The following COL28A1 variants were observed in gnomAD, a reference collection of about 807,000 sequenced individuals.
The protein encoded by COL28A1 is collagen type XXVIII alpha 1 chain.
A neutral mutation model predicts 150.2 loss-of-function variants in COL28A1; 161 were observed. The observed-to-expected ratio is 1.07, with a 90% confidence interval of 0.94 to 1.22. COL28A1 has a LOEUF of 1.22. COL28A1 is among the 50% of genes most tolerant of loss of function. The probability of loss-of-function intolerance (pLI) is 0.00; values close to 1 mark genes in which losing one functional copy is unlikely to be tolerated. For synonymous variants in COL28A1, 552 were observed against 469.7 expected (o/e 1.18, Z -2.26); for missense variants, 1,617 against 1,388.3 (o/e 1.16, Z -2.62).
In COL28A1 at chr7:7,436,330, T is replaced by G. The variant is rs368679673; in HGVS notation, c.1860+65A>C. The stretch of plus-strand genomic sequence containing the variant: ...CCTCACAAGTAGAAAAATCAACTTA[T>G]GCATTAAATCTACCTTCATTTATTT... On this transcript the variant is annotated intron_variant, in intron 23 of 34. Coordinates refer to ENST00000399429, the MANE Select transcript of COL28A1 (RefSeq NM_001037763.3). 4.5e-5 allele frequency: 39 copies of G among 863,364 alleles called. 1 individual carries two copies. The African/African-American group carries it at 6.1e-4, about 14-fold the overall frequency. 53.5% of individuals were successfully genotyped at this position (863,364 alleles called of 1,614,324 possible).
intron 13 of COL28A1, among the ~76,000 whole-genome samples, chr7:7,484,751 C>T (rs185708460): frequency 1.3e-4 from 20 of 152,126 alleles, no homozygotes; most frequent in African/African-American, 1.7e-4. Flanking sequence ...CAATAGTAGA[C>T]TGGATAAAGA....
At chr7:7,455,731 T>C (rs1787105505) in intron 16 of COL28A1, among the ~76,000 whole-genome samples, 1 of 152,184 alleles carries the variant, frequency 6.6e-6, no homozygotes, top group African/African-American at 2.4e-5. Flanking sequence ...AACCAGCAGG[T>C]GAGTAAACTA....
intron 27 of COL28A1, among the ~76,000 whole-genome samples, chr7:7,388,239 A>G (rs1417610891): frequency 2.7e-5 from 4 of 150,260 alleles, no homozygotes; most frequent in Admixed American, 6.6e-5. Flanking sequence ...TTCAACTCCC[A>G]GTTATGAGTG....
In COL28A1 at chr7:7,457,161, A is replaced by G. The variant is rs576062770; in HGVS notation, c.1303-1049T>C. ...TTGAGGCCACTGTAAGGACTTGGCT[A>G]TCCTCTGAGTAAGTTAGGAAGCCAC... On this transcript the variant is annotated intron_variant, in intron 15 of 34. Coordinates refer to ENST00000399429, the MANE Select transcript of COL28A1 (RefSeq NM_001037763.3). 2.6e-5 allele frequency among the ~76,000 whole-genome samples: 4 copies of G among 152,310 alleles called. No homozygotes were observed. In the South Asian group the frequency reaches 8.3e-4, roughly 32 times the overall value.
At chr7:7,542,291 A>G in the COL28A1 span, among the ~76,000 whole-genome samples, 1 of 152,214 alleles carries the variant, frequency 6.6e-6, no homozygotes, top group Non-Finnish European at 1.5e-5. Context: ...AGATGGCACC[A>G]CTGCACTCCG....
chr7:7,348,823 GACTTGA>G, the COL28A1 span, among the ~76,000 whole-genome samples: 1 of 152,064 alleles, frequency 6.6e-6, no homozygotes, highest in African/African-American at 2.4e-5. Context: ...GTCCACTGCA[GACTTGA>G]ACTCCTGGGC....
At chr7:7,511,853 AC>A in intron 8 of COL28A1, 1 of 468,114 alleles carries the variant, frequency 2.1e-6, no homozygotes, top group South Asian at 1.6e-5. Context: ...TGCTGAAAAA[AC>A]AACATTTGAG....
intron 25 of COL28A1, among the ~76,000 whole-genome samples, chr7:7,421,539 G>C (rs1204372344): frequency 1.3e-5 from 2 of 152,130 alleles, no homozygotes; most frequent in Admixed American, 1.3e-4. Flanking sequence ...TTTAGCCTTA[G>C]GTCCTGTTTT....
At chr7:7,519,964 C>A in intron 6 of COL28A1, 98 bp downstream of exon 6, 1 of 647,422 alleles carries the variant, frequency 1.5e-6, no homozygotes, top group Non-Finnish European at 2.7e-6. Context: ...ACATTTTTGC[C>A]ATATACTACA....
chr7:7,477,537 T>C (rs1271756935), intron 13 of COL28A1, among the ~76,000 whole-genome samples: 9 of 152,188 alleles, frequency 5.9e-5, no homozygotes, highest in Non-Finnish European at 1.3e-4. Flanking sequence ...CCGCGGACCC[T>C]CGCGGTGAGT....
intron 11 of COL28A1, among the ~76,000 whole-genome samples, chr7:7,504,848 A>G (rs1313034003): frequency 6.6e-6 from 1 of 152,212 alleles, no homozygotes; most frequent in Non-Finnish European, 1.5e-5. Context: ...TCTCACAAAC[A>G]TGAAAATTGT....
chr7:7,389,345 C>T (rs183809827), intron 27 of COL28A1, among the ~76,000 whole-genome samples: 1 of 152,200 alleles, frequency 6.6e-6, no homozygotes, highest in Non-Finnish European at 1.5e-5. Context: ...TGTTCTGTTC[C>T]ACTGGTCAAC....
At chr7:7,431,912 A>G (rs1785004534) in intron 25 of COL28A1, among the ~76,000 whole-genome samples, 1 of 152,220 alleles carries the variant, frequency 6.6e-6, no homozygotes, top group African/African-American at 2.4e-5. Flanking sequence ...TGGAGGAAGG[A>G]GAAGGAAAGG....
rs894847680 is a variant in COL28A1 at position 7,500,829 on chromosome 7, G to A, written c.1026+5185C>T. On this transcript the variant is annotated intron_variant, in intron 11 of 34. Coordinates refer to ENST00000399429, the MANE Select transcript of COL28A1 (RefSeq NM_001037763.3). The stretch of plus-strand genomic sequence containing the variant: ...CTTGGGAACCTCAGAAACTGGGATG[G>A]AAGCTTGAAAAAGTAGGGTTCGGAA... Among the ~76,000 whole-genome samples, 24 of 152,114 alleles carry A rather than the reference G, an allele frequency of 1.6e-4. 1 individual carries two copies. The highest frequency in any genetic ancestry group is 9.6e-4 in the East Asian group (5 of 5,198).
chr7:7,452,400 G>C lies in COL28A1; in HGVS notation c.1441-13C>G, dbSNP rs769214771. On this transcript the variant is annotated splice_polypyrimidine_tract_variant and intron_variant, in intron 17 of 34. Coordinates refer to ENST00000399429, the MANE Select transcript of COL28A1 (RefSeq NM_001037763.3). The stretch of plus-strand genomic sequence containing the variant: ...GGCCTACTTCTCCCTAGTAAGAAAA[G>C]AGTTTAATACAGCAGCAAAGTGAAA... 1.1e-5 allele frequency: 18 copies of C among 1,589,704 alleles called. 1 individual carries two copies. The highest frequency in any genetic ancestry group is 9.3e-5 in the South Asian group (8 of 86,204).
rs1213687363 is a variant in COL28A1, at chr7:7,507,146, A to G, written c.943T>C (p.Tyr315His). The change falls in exon 10 of 35, where the codon TAT becomes CAT. Residue 315 changes from tyrosine to histidine, a missense_variant. By Grantham distance (83) the Tyr-to-His change is moderately conservative. Coordinates refer to ENST00000399429, the MANE Select transcript of COL28A1 (RefSeq NM_001037763.3). ...ATTCCTCTGGGTCCCTTTGGTCCAT[A>G]TGGCCCTGGGGATCCCTGTGGAATA... ...IKGDKGSPGP[Y>H]GPKGPRGIQG... 1 of 1,266,902 alleles carries G rather than the reference A, an allele frequency of 7.9e-7. No individual in the cohort carries two copies. The highest frequency in any genetic ancestry group is 1.2e-5 in the South Asian group (1 of 83,356). The allele number at this position is 1,266,902 out of a possible 1,614,324, so 78.5% of individuals were successfully genotyped here.
chr7:7,379,227 A>T (rs1226291191), intron 30 of COL28A1, among the ~76,000 whole-genome samples: 3 of 152,136 alleles, frequency 2.0e-5, no homozygotes, highest in Non-Finnish European at 2.9e-5. Context: ...ACATGTACTG[A>T]TGTACAGGAG....
chr7:7,448,386 T>C (rs542390615), intron 18 of COL28A1, among the ~76,000 whole-genome samples: 3 of 151,930 alleles, frequency 2.0e-5, no homozygotes, highest in Non-Finnish European at 4.4e-5. Context: ...GAGAAGACAA[T>C]AGAACAACAT....
At chr7:7,493,834 A>T (rs1002015634) in intron 11 of COL28A1, among the ~76,000 whole-genome samples, 6 of 144,688 alleles carry the variant, frequency 4.1e-5, no homozygotes, top group African/African-American at 1.5e-4. Flanking sequence ...TAATATTCCT[A>T]CCCCAGCCCT....
Sources: allele counts gnomAD v4.1 joint callset (sites outside exome capture counted in the v4.1 genomes callset), GRCh38; gene constraint gnomAD v4.1.1; transcripts MANE v1.5; gene names NCBI Gene and HGNC (gene_info 2026-07-23, HGNC 2026-07-21).